OPCML: variants seen among roughly 807,000 people sequenced by gnomAD.
OPCML encodes the protein opioid-binding protein/cell adhesion molecule.
In OPCML, 13 loss-of-function variants were observed where a neutral mutation model predicts 37.8. The ratio of observed to expected loss-of-function variants is 0.34; its 90% CI spans 0.22 to 0.55. The LOEUF (loss-of-function observed/expected upper bound fraction) is 0.55. OPCML is among the 20% of genes least tolerant of loss of function. The pLI is 0.91. For synonymous variants in OPCML, 176 were observed against 168.8 expected (o/e 1.04, Z -0.33); for missense variants, 341 against 435.6 (o/e 0.78, Z 1.93).
At chr11:132,619,841 G>A (rs1290346221) in intron 3 of OPCML, among the ~76,000 whole-genome samples, 15 of 116,372 alleles carry the variant, frequency 1.3e-4, no homozygotes, top group Non-Finnish European at 2.3e-4. Context: ...GACAGAGCCA[G>A]ACTCCATGTC....
At chr11:132,773,233 G>A (rs955988732) in intron 2 of OPCML, 2 of 152,094 alleles carry the variant, frequency 1.3e-5, no homozygotes, top group South Asian at 4.1e-4. Flanking sequence ...AAAACAAAAA[G>A]GGGATTAATC....
intron 1 of OPCML, among the ~76,000 whole-genome samples, chr11:133,175,545 T>G (rs1240062936): frequency 6.7e-6 from 1 of 150,162 alleles, no homozygotes; most frequent in Non-Finnish European, 1.5e-5. Context: ...ACAGGTTACA[T>G]CTATCAAGAA....
intron 2 of OPCML, among the ~76,000 whole-genome samples, chr11:132,895,905 T>C (rs771636449): frequency 6.6e-6 from 1 of 152,104 alleles, no homozygotes; most frequent in Non-Finnish European, 1.5e-5. Context: ...AGGTGTGCCA[T>C]GTTCCAAAAG....
chr11:132,438,196 A>G (rs542729532), intron 4 of OPCML, among the ~76,000 whole-genome samples: 1 of 152,280 alleles, frequency 6.6e-6, no homozygotes. Context: ...TCTCCGCCTT[A>G]CCCCTTATCT....
intron 3 of OPCML, among the ~76,000 whole-genome samples, chr11:132,555,869 T>C (rs2096394350): frequency 6.6e-6 from 1 of 152,168 alleles, no homozygotes; most frequent in Admixed American, 6.5e-5. Context: ...CAACAAAGGA[T>C]GATCTCTTTA....
At chr11:133,293,116 T>A (rs1358273759) in intron 1 of OPCML, among the ~76,000 whole-genome samples, 4 of 152,120 alleles carry the variant, frequency 2.6e-5, no homozygotes, top group Non-Finnish European at 5.9e-5. Flanking sequence ...AAGTTTTCTA[T>A]GACATTTTGA....
chr11:132,722,034 C>A (rs1371129025), intron 2 of OPCML, among the ~76,000 whole-genome samples: 3 of 135,964 alleles, frequency 2.2e-5, no homozygotes, highest in Non-Finnish European at 4.5e-5. Flanking sequence ...CGGCTCACTG[C>A]AAGCTCCACC....
At chr11:133,288,422 TC>T (rs1942364537) in intron 1 of OPCML, among the ~76,000 whole-genome samples, 3 of 152,184 alleles carry the variant, frequency 2.0e-5, no homozygotes. Flanking sequence ...CCACTGTTTC[TC>T]AGCACTTGTG....
intron 1 of OPCML, among the ~76,000 whole-genome samples, chr11:133,101,135 G>C (rs1396815789): frequency 2.0e-5 from 3 of 152,080 alleles, no homozygotes; most frequent in African/African-American, 7.2e-5. Context: ...ATATTGGCCA[G>C]GCTGGTCTTG....
chr11:132,747,734 A>G (rs1465588143), intron 2 of OPCML, among the ~76,000 whole-genome samples: 1 of 152,212 alleles, frequency 6.6e-6, no homozygotes, highest in Non-Finnish European at 1.5e-5. Flanking sequence ...CAATGACATC[A>G]ACCTAAATAA....
chr11:133,446,815 C>T (rs1432320914), intron 1 of OPCML, among the ~76,000 whole-genome samples: 10 of 152,116 alleles, frequency 6.6e-5, no homozygotes, highest in Admixed American at 6.5e-4. Flanking sequence ...TTGTGTCTGG[C>T]TTTTTTATAC....
chr11:132,638,059 A>G (rs1317473560), intron 3 of OPCML, among the ~76,000 whole-genome samples: 1 of 151,944 alleles, frequency 6.6e-6, no homozygotes, highest in Non-Finnish European at 1.5e-5. Flanking sequence ...GAAAACATGA[A>G]CTTCTGCATT....
At chr11:132,959,753 G>A (rs1025217951) in intron 1 of OPCML, among the ~76,000 whole-genome samples, 16 of 152,164 alleles carry the variant, frequency 1.1e-4, no homozygotes, top group Admixed American at 9.8e-4. Context: ...CTTAAATCTG[G>A]AAGGCAGAAA....
chr11:132,538,856 T>G (rs772101816), intron 3 of OPCML, among the ~76,000 whole-genome samples: 6 of 152,136 alleles, frequency 3.9e-5, no homozygotes, highest in Non-Finnish European at 5.9e-5. Context: ...ATTCCACACT[T>G]TTGCATGTGC....
At chr11:132,924,010 G>T (rs7925821) in intron 2 of OPCML, among the ~76,000 whole-genome samples, 5 of 151,538 alleles carry the variant, frequency 3.3e-5, no homozygotes, top group African/African-American at 4.9e-5. Context: ...TGATCCGCCC[G>T]CCTCGGCCTC....
At chr11:133,092,633 G>C (rs1012317520) in intron 1 of OPCML, among the ~76,000 whole-genome samples, 2 of 152,150 alleles carry the variant, frequency 1.3e-5, no homozygotes, top group African/African-American at 4.8e-5. Flanking sequence ...GGCTGAGGCA[G>C]AAGAATCACT....
At chr11:133,373,421 T>TAA (rs1440868664) in intron 1 of OPCML, among the ~76,000 whole-genome samples, 104 of 53,402 alleles carry the variant, frequency 1.9e-3, no homozygotes, top group African/African-American at 6.7e-3. Flanking sequence ...ATTACTTAAT[T>TAA]AAAATATATA....
chr11:132,507,218 C>T (rs1252538164), intron 4 of OPCML, among the ~76,000 whole-genome samples: 1 of 151,620 alleles, frequency 6.6e-6, no homozygotes, highest in Admixed American at 6.6e-5. Context: ...TATTAAAATG[C>T]ATAGATAAGC....
chr11:133,253,813 T>TCCTTCCCTTCCCTTCCCTTCCCTTC (rs750850537), intron 1 of OPCML, among the ~76,000 whole-genome samples: 2 of 136,576 alleles, frequency 1.5e-5, no homozygotes, highest in African/African-American at 2.8e-5. Flanking sequence ...CCTTTTTCCC[T>TCCTTCCCTTCCCTTCCCTTCCCTTC]CCTTCCCTTC....
Sources: gnomAD v4.1 joint callset for allele counts (sites outside exome capture counted in the v4.1 genomes callset) on GRCh38, gnomAD v4.1.1 for gene constraint, MANE v1.5 for transcripts, NCBI Gene and HGNC (gene_info 2026-07-23, HGNC 2026-07-21) for gene names.